The following SRP19 variants were observed in gnomAD, a reference collection of about 807,000 sequenced individuals.
The protein encoded by SRP19 is signal recognition particle 19 kDa protein.
In SRP19, 11 loss-of-function variants were observed where a neutral mutation model predicts 22.4. The ratio of observed to expected loss-of-function variants is 0.49; its 90% CI spans 0.31 to 0.81. The LOEUF is 0.81. Among genes scored for constraint, SRP19 ranks in the 40% least tolerant of loss-of-function variants. The pLI is 0.05. For synonymous variants in SRP19, 61 were observed against 57.6 expected (o/e 1.06, Z -0.27); for missense variants, 168 against 175.9 (o/e 0.96, Z 0.25).
At chr5:112,867,341 A>T (rs778931015) in intron 4 of SRP19, 63 bp from the exon 5 acceptor site, 145 of 1,552,576 alleles carry the variant, frequency 9.3e-5, no homozygotes, top group Non-Finnish European at 1.1e-4. Context: ...GTGATATTCA[A>T]TTTGATGACT....
intron 2 of SRP19, among the ~76,000 whole-genome samples, 186 bp downstream of exon 2, chr5:112,862,769 C>G (rs1429764827): frequency 1.3e-5 from 2 of 152,060 alleles, no homozygotes; most frequent in Non-Finnish European, 2.9e-5. Context: ...TAATTCATAG[C>G]TGAAGGGATA....
At chr5:112,891,644 C>G in exon 5 of SRP19, 1 of 1,605,312 alleles carries the variant, frequency 6.2e-7, no homozygotes, top group Non-Finnish European at 8.5e-7. Flanking sequence ...GGCAAGATGG[C>G]TGCACTTGAG....
At chr5:112,878,733 C>A in intron 4 of SRP19, 2 of 1,605,798 alleles carry the variant, frequency 1.2e-6, no homozygotes, top group South Asian at 1.1e-5. Flanking sequence ...AATATAACAT[C>A]AAGCTCCAGT....
At chr5:112,873,209 CT>C (rs1359153089), downstream of SRP19, among the ~76,000 whole-genome samples, 1 of 137,526 alleles carries the variant, frequency 7.3e-6, no homozygotes, top group Non-Finnish European at 1.5e-5. Flanking sequence ...TCTCCTCTTT[CT>C]GACCTTTCTT....
intron 4 of SRP19, among the ~76,000 whole-genome samples, chr5:112,884,068 C>A (rs1032139420): frequency 4.6e-5 from 7 of 152,220 alleles, no homozygotes; most frequent in Non-Finnish European, 8.8e-5. Context: ...GTTCTCCCAA[C>A]TTCCTGCCTT....
chr5:112,887,448 G>C (rs1325238911), intron 4 of SRP19, among the ~76,000 whole-genome samples: 5 of 152,102 alleles, frequency 3.3e-5, no homozygotes, highest in African/African-American at 1.2e-4. Flanking sequence ...TTCCTAACTT[G>C]GACCACGTTT....
At chr5:112,894,992 A>C (rs1262302123), downstream of SRP19, 1 of 152,222 alleles carries the variant, frequency 6.6e-6, no homozygotes, top group East Asian at 1.9e-4. Flanking sequence ...TAATCCCAGC[A>C]CTTTAGGAGG....
intron 4 of SRP19, among the ~76,000 whole-genome samples, chr5:112,887,892 A>G (rs1768309065): frequency 6.6e-6 from 1 of 152,202 alleles, no homozygotes; most frequent in Non-Finnish European, 1.5e-5. Flanking sequence ...ATAAATACCA[A>G]CTCGTCACTT....
downstream of SRP19, among the ~76,000 whole-genome samples, chr5:112,873,305 A>T (rs370146640): frequency 0.067 from 1,523 of 22,662 alleles, no homozygotes; most frequent in Non-Finnish European, 0.075. Context: ...TTTTGCCTTT[A>T]TTTAGATTTG....
intron 4 of SRP19, chr5:112,878,110 G>GAAAC (rs1480090320): frequency 1.3e-5 from 2 of 152,164 alleles, no homozygotes; most frequent in East Asian, 1.9e-4. Context: ...ATATACTACG[G>GAAAC]AAACAACCAG....
At chr5:112,883,091 A>G (rs1463741420) in intron 4 of SRP19, among the ~76,000 whole-genome samples, 2 of 152,182 alleles carry the variant, frequency 1.3e-5, no homozygotes, top group Non-Finnish European at 2.9e-5. Flanking sequence ...AATTATTCCC[A>G]TTAATTTTCA....
chr5:112,881,660 C>T (rs2150033904), intron 4 of SRP19, among the ~76,000 whole-genome samples: 1 of 152,278 alleles, frequency 6.6e-6, no homozygotes, highest in East Asian at 1.9e-4. Context: ...CAGATTCTAT[C>T]ACTGAGTAGC....
At chr5:112,865,305 TAG>T (rs955829762) in intron 4 of SRP19, 1 of 152,112 alleles carries the variant, frequency 6.6e-6, no homozygotes, top group Non-Finnish European at 1.5e-5. Flanking sequence ...GTGAGCGGGG[TAG>T]AGAGTAGAGA....
At chr5:112,864,278 G>T (rs999528778) in intron 2 of SRP19, among the ~76,000 whole-genome samples, 179 bp from the exon 3 acceptor site, 1 of 152,074 alleles carries the variant, frequency 6.6e-6, no homozygotes, top group South Asian at 2.1e-4. Flanking sequence ...ACACAGTTAC[G>T]CATTAGTGTT....
intron 2 of SRP19, among the ~76,000 whole-genome samples, chr5:112,863,477 T>C (rs959343370): frequency 3.3e-5 from 5 of 152,086 alleles, no homozygotes; most frequent in African/African-American, 1.2e-4. Flanking sequence ...AGATGACAGG[T>C]CAGCCCCCTC....
At chr5:112,864,801 T>C in intron 4 of SRP19, 69 bp downstream of exon 4, 1 of 1,242,560 alleles carries the variant, frequency 8.0e-7, no homozygotes, top group Non-Finnish European at 1.1e-6. Flanking sequence ...AAAAAGGTTC[T>C]AAAACTGAAA....
At position 112,868,230 on chromosome 5, in the gene SRP19, T is replaced by A; in HGVS notation, c.*693T>A. The A allele has an allele frequency of 1.0e-6, 1 of 985,518 alleles. No individual in the cohort carries two copies. Among genetic ancestry groups the A allele is most frequent in the Non-Finnish European group, 1.2e-6 (1 of 829,978 alleles). The allele number at this position is 985,518 out of a possible 1,614,324, so 61.0% of individuals were successfully genotyped here. On this transcript the variant is annotated 3_prime_UTR_variant, in exon 5 of 5. Coordinates refer to ENST00000505459, the MANE Select transcript of SRP19 (RefSeq NM_003135.3). Reference sequence around the variant, plus strand: ...TGTGCTTTAGCACCTTGAGGTACACTTTCCTTCAACAAATGAAATTGGATT... The same window carrying A: ...TGTGCTTTAGCACCTTGAGGTACACATTCCTTCAACAAATGAAATTGGATT...
chr5:112,861,488 T>G, intron 1 of SRP19, 71 bp downstream of exon 1: 1 of 1,529,892 alleles, frequency 6.5e-7, no homozygotes, highest in Non-Finnish European at 8.9e-7. Context: ...TACACCGCGC[T>G]TCTCCGCTCC....
chr5:112,871,243 A>ATTTTTTTTTTTT (rs10592964), downstream of SRP19, among the ~76,000 whole-genome samples: 3 of 93,934 alleles, frequency 3.2e-5, no homozygotes, highest in African/African-American at 9.7e-5. Context: ...CAATCAGTGA[A>ATTTTTTTTTTTT]TTTTTTTTTT....
Sources: allele counts gnomAD v4.1 joint callset (sites outside exome capture counted in the v4.1 genomes callset), GRCh38; gene constraint gnomAD v4.1.1; transcripts MANE v1.5; gene names NCBI Gene and HGNC (gene_info 2026-07-23, HGNC 2026-07-21).